LAMA3: variants seen among roughly 807,000 people sequenced by gnomAD.
The protein encoded by LAMA3 is laminin subunit alpha 3, also known as laminin subunit alpha-3.
LAMA3 carries 281 observed loss-of-function variants against 402.0 expected under a neutral mutation model. The observed-to-expected ratio is 0.70, with a 90% CI of 0.63 to 0.77. The LOEUF (loss-of-function observed/expected upper bound fraction) is 0.77, where lower values mean the gene tolerates loss of function less well. LAMA3 is among the 30% of genes least tolerant of loss of function. The pLI is 0.00. For missense variants in LAMA3, 3,840 were observed against 4,215.5 expected (o/e 0.91, Z 2.47); for synonymous variants, 1,431 against 1,558.4 (o/e 0.92, Z 1.93).
chr18:23,907,003 T>A (rs187300088), intron 52 of LAMA3, among the ~76,000 whole-genome samples: 1 of 152,362 alleles, frequency 6.6e-6, no homozygotes, highest in Non-Finnish European at 1.5e-5. Flanking sequence ...ATGTGTCATT[T>A]TGGAAATTAA....
chr18:23,767,862 C>T (rs759354730), intron 8 of LAMA3, among the ~76,000 whole-genome samples: 5 of 151,984 alleles, frequency 3.3e-5, no homozygotes, highest in African/African-American at 2.4e-5. Context: ...TGTCAGCCAC[C>T]GTGCCTGGCA....
chr18:23,842,342 G>A, intron 27 of LAMA3, 53 bp from the exon 28 acceptor site: 1 of 1,607,278 alleles, frequency 6.2e-7, no homozygotes, highest in Non-Finnish European at 8.5e-7. Flanking sequence ...GTTATTCATA[G>A]CTCTTCAGCT....
In LAMA3 at chr18:23,894,975, A is replaced by G; in HGVS notation, c.5530A>G (p.Lys1844Glu). The G allele has an allele frequency of 6.2e-7, 1 of 1,614,068 alleles. No individual in the cohort carries two copies. The change falls in exon 44 of 75, where the codon AAG becomes GAG. Residue 1844 changes from lysine to glutamate, a missense_variant. Physicochemically the swap from Lys to Glu is moderately conservative, Grantham distance 56. Transcript: ENST00000313654. ...ATMGEQLRLVKSQLQGLSASA... is the reference protein window; with the variant it reads ...ATMGEQLRLVESQLQGLSASA... ...CATGGGCGAGCAGCTCCGCCTGGTC[A>G]AGTCTCAGCTGCAGGGCCTGAGTGC...
At chr18:23,905,086 T>A (rs1220973547) in intron 51 of LAMA3, among the ~76,000 whole-genome samples, 2 of 152,066 alleles carry the variant, frequency 1.3e-5, no homozygotes, top group Non-Finnish European at 2.9e-5. Flanking sequence ...TCCTGTGGGA[T>A]CTTATATGCA....
intron 38 of LAMA3, chr18:23,873,069 G>C: frequency 6.2e-7 from 1 of 1,614,224 alleles, no homozygotes. Flanking sequence ...GAGGCGGTCA[G>C]CCTGCAGCAT....
chr18:23,951,938 G>C (rs117998832), intron 73 of LAMA3, among the ~76,000 whole-genome samples, 161 bp downstream of exon 73: 1 of 152,170 alleles, frequency 6.6e-6, no homozygotes, highest in Non-Finnish European at 1.5e-5. Flanking sequence ...CCATGCTTCC[G>C]TCACTCATGG....
intron 62 of LAMA3, among the ~76,000 whole-genome samples, chr18:23,925,901 G>T (rs1599115790): frequency 6.6e-6 from 1 of 152,202 alleles, no homozygotes; most frequent in Admixed American, 6.5e-5. Context: ...AAAAGCAAGG[G>T]CTTCAAGCCT....
chr18:23,863,002 GGAGA>G (rs754611681), intron 35 of LAMA3, among the ~76,000 whole-genome samples: 36 of 148,624 alleles, frequency 2.4e-4, no homozygotes, highest in Non-Finnish European at 1.6e-4. Context: ...ACAGGGTGGG[GGAGA>G]GAGAGAGAGA....
In LAMA3 at chr18:23,754,352, T is replaced by C. The variant is rs115944893; in HGVS notation, c.947+540T>C. On this transcript the variant is annotated intron_variant, in intron 6 of 74. Coordinates refer to ENST00000313654, the MANE Select transcript of LAMA3 (RefSeq NM_198129.4). ...CTTGTTTCCTCCTACCACTGGCCCC[T>C]GGCAACCATCATGACTATCCTAGGT... Among the ~76,000 whole-genome samples the C allele has an allele frequency of 4.0e-3, 606 of 152,330 alleles. 3 individuals are homozygous for C. Among genetic ancestry groups the C allele is most frequent in the African/African-American group, 0.014 (574 of 41,580 alleles).
chr18:23,931,007 A>G, intron 64 of LAMA3, 55 bp from the exon 65 acceptor site: 1 of 1,455,262 alleles, frequency 6.9e-7, no homozygotes, highest in Non-Finnish European at 9.6e-7. Context: ...GTAAAGATAC[A>G]GGCATAATCC....
At position 23,847,488 on chromosome 18, in the gene LAMA3, G is replaced by T. The variant is rs544156623; in HGVS notation, c.3956G>T (p.Cys1319Phe). 6.8e-6 allele frequency: 11 copies of T among 1,613,272 alleles called. No homozygotes were observed. The highest frequency in any genetic ancestry group is 3.3e-4 in the Middle Eastern group (2 of 6,084). ...CKPCSCGRRL[C>F]EEMTGQCRCP... Reference sequence around the variant, plus strand: ...GCGTGCAGCTGTGGTCGGCGCCTTTGTGAAGAGATGACGGGGCAGTGCCGC... The same window carrying T: ...GCGTGCAGCTGTGGTCGGCGCCTTTTTGAAGAGATGACGGGGCAGTGCCGC... Residue 1319 changes from cysteine (C) to phenylalanine (F), a missense_variant, in exon 32 of 75, where the codon TGT becomes TTT. By Grantham distance (205) the Cys-to-Phe change is radical (BLOSUM62 -2). Around this residue, in one of 3 missense-constraint regions of LAMA3, gnomAD observed 2,109 missense variants for 2,376.0 expected, o/e 0.89. Coordinates refer to ENST00000313654, the MANE Select transcript of LAMA3 (RefSeq NM_198129.4).
intron 27 of LAMA3, 142 bp downstream of exon 27, chr18:23,840,071 C>T (rs2063664984): frequency 3.4e-6 from 3 of 892,514 alleles, no homozygotes; most frequent in Non-Finnish European, 5.4e-6. Context: ...GGGGTGGGCC[C>T]AGGAATCTGT....
chr18:23,795,250 C>T (rs1407891269), intron 12 of LAMA3, among the ~76,000 whole-genome samples: 3 of 152,078 alleles, frequency 2.0e-5, no homozygotes, highest in African/African-American at 4.8e-5. Flanking sequence ...ATTACTGAGG[C>T]GAAACATTCA....
intron 62 of LAMA3, 31 bp from the exon 63 acceptor site, chr18:23,928,092 A>G (rs192094146): frequency 6.8e-7 from 1 of 1,463,486 alleles, no homozygotes; most frequent in African/African-American, 1.4e-5. Context: ...GACATGATCC[A>G]TCTCTTCCTT....
intron 36 of LAMA3, among the ~76,000 whole-genome samples, 185 bp downstream of exon 36, chr18:23,865,068 A>G (rs2064321455): frequency 6.6e-6 from 1 of 152,240 alleles, no homozygotes; most frequent in African/African-American, 2.4e-5. Context: ...TCCTCTGACC[A>G]AATGTTGTCT....
intron 41 of LAMA3, among the ~76,000 whole-genome samples, chr18:23,887,375 C>T (rs1335164649): frequency 6.6e-6 from 1 of 152,068 alleles, no homozygotes; most frequent in Non-Finnish European, 1.5e-5. Context: ...CTGGGAGAGG[C>T]GTCCTAATTT....
chr18:23,750,373 A>G lies in LAMA3; in HGVS notation c.685-545A>G, dbSNP rs531543025. On this transcript the variant is annotated intron_variant, in intron 4 of 74. Transcript: ENST00000313654. The stretch of plus-strand genomic sequence containing the variant: ...AGCTCATGAGTGGTTCATATTTCCA[A>G]TGGTTGACACTTGGGCTTCATCACT... Among the ~76,000 whole-genome samples the G allele has an allele frequency of 4.9e-5, 7 of 142,804 alleles. No homozygotes were observed. The South Asian group carries it at 1.1e-3, about 23-fold the overall frequency. The allele number at this position is 142,804 out of a possible 152,430, so 93.7% of individuals were successfully genotyped here. A position where few individuals can be genotyped will look rare whatever the true frequency, so the allele number is the denominator to read the frequency against.
In LAMA3 at chr18:23,847,415, C is replaced by T. The variant is rs778795405; in HGVS notation, c.3932-49C>T. On this transcript the variant is annotated intron_variant, in intron 31 of 74. Transcript: ENST00000313654. ...GGCAGTTGGTGGAGTGCTGCTGGAG[C>T]CCAGGCGGCCTTTGACCCTCACATG... 12 of 1,582,466 alleles carry T rather than the reference C, an allele frequency of 7.6e-6. No individual in the cohort carries two copies. In the Admixed American group the frequency reaches 1.8e-4, roughly 24 times the overall value.
At chr18:23,917,380 A>G (rs1290984401) in intron 60 of LAMA3, among the ~76,000 whole-genome samples, 1 of 152,214 alleles carries the variant, frequency 6.6e-6, no homozygotes, top group Non-Finnish European at 1.5e-5. Flanking sequence ...CTTTGGGTGT[A>G]TACCCAATAA....
Sources: gnomAD v4.1 joint callset for allele counts (sites outside exome capture counted in the v4.1 genomes callset) on GRCh38, gnomAD v4.1.1 for gene constraint, gnomAD v4.1.1 regional missense constraint, MANE v1.5 for transcripts, NCBI Gene and HGNC (gene_info 2026-07-23, HGNC 2026-07-21) for gene names.